PLAC8: variants seen among roughly 807,000 people sequenced by gnomAD.
The protein encoded by PLAC8 is placenta-specific gene 8 protein.
A neutral mutation model predicts 12.6 loss-of-function variants in PLAC8; 6 were observed. The observed-to-expected ratio is 0.48, with a 90% CI of 0.26 to 0.94. The LOEUF is 0.94. Ranked by LOEUF, PLAC8 falls within the 40% of genes least tolerant of loss-of-function variation. The probability of loss-of-function intolerance (pLI) is 0.14; values close to 1 mark genes in which losing one functional copy is unlikely to be tolerated. For synonymous variants in PLAC8, 54 were observed against 52.6 expected (o/e 1.03, Z -0.11); for missense variants, 122 against 152.7 (o/e 0.80, Z 1.06).
rs769747711 is a variant in PLAC8 at position 83,111,819 on chromosome 4, A to G, written c.-30+2847T>C. Among the ~76,000 whole-genome samples the G allele has an allele frequency of 1.1e-3, 165 of 152,298 alleles. 2 individuals carry two copies. The highest frequency in any genetic ancestry group is 2.6e-4 in the Non-Finnish European group (18 of 68,024). Reference sequence around the variant, plus strand: ...TTGTATTCAAATTGGCTAATGTTAGACTTCATAGCAGTTTGAGTCCTGAAC... The same window carrying G: ...TTGTATTCAAATTGGCTAATGTTAGGCTTCATAGCAGTTTGAGTCCTGAAC... On this transcript the variant is annotated intron_variant, in intron 1 of 4. Coordinates refer to ENST00000311507, the MANE Select transcript of PLAC8 (RefSeq NM_016619.3).
intron 1 of PLAC8, among the ~76,000 whole-genome samples, chr4:83,113,682 G>C (rs2126145118): frequency 6.6e-6 from 1 of 152,110 alleles, no homozygotes; most frequent in East Asian, 1.9e-4. Flanking sequence ...GTTGGCAGGG[G>C]CCACCTTGGA....
chr4:83,106,207 G>A (rs1732236111), intron 2 of PLAC8, among the ~76,000 whole-genome samples: 2 of 151,678 alleles, frequency 1.3e-5, no homozygotes, highest in South Asian at 4.2e-4. Flanking sequence ...CACCATCTTG[G>A]CCAGGCTGGT....
rs1731771674 is a variant in PLAC8 at position 83,090,141 on chromosome 4, T to G, written c.*840A>C. On this transcript the variant is annotated 3_prime_UTR_variant, in exon 5 of 5. Transcript: ENST00000311507. ...GCTAAGAAACCAAAGTATGGTGCAG[T>G]GGCTCACACCTGTAATTCCAGCACC... 6.6e-6 allele frequency: 1 copy of G among 151,992 alleles called. No individual in the cohort carries two copies. Among genetic ancestry groups the G allele is most frequent in the Non-Finnish European group, 1.5e-5 (1 of 68,014 alleles). The allele number at this position is 151,992 out of a possible 1,614,324, so 9.4% of individuals were successfully genotyped here. A position where few individuals can be genotyped will look rare whatever the true frequency, so the allele number is the denominator to read the frequency against.
At chr4:83,102,090 A>G (rs1258376513) in intron 3 of PLAC8, among the ~76,000 whole-genome samples, 1 of 152,092 alleles carries the variant, frequency 6.6e-6, no homozygotes, top group Non-Finnish European at 1.5e-5. Flanking sequence ...TCAAGGAGTA[A>G]TTTTGATTTT....
chr4:83,095,244 CA>C (rs1290164702), intron 3 of PLAC8, among the ~76,000 whole-genome samples: 3 of 152,100 alleles, frequency 2.0e-5, no homozygotes, highest in African/African-American at 7.2e-5. Flanking sequence ...GAGAGCTAAG[CA>C]CTAGGAATAA....
intron 2 of PLAC8, among the ~76,000 whole-genome samples, chr4:83,105,687 G>C (rs1732218856): frequency 1.3e-5 from 2 of 151,850 alleles, no homozygotes; most frequent in South Asian, 4.2e-4. Context: ...CATTTTAAGA[G>C]GGGAGAATAA....
At chr4:83,103,129 G>T (rs1158260084) in intron 3 of PLAC8, among the ~76,000 whole-genome samples, 2 of 150,438 alleles carry the variant, frequency 1.3e-5, no homozygotes, top group African/African-American at 4.9e-5. Flanking sequence ...GGGCGCGGTG[G>T]CTTCTGCCTG....
intron 2 of PLAC8, among the ~76,000 whole-genome samples, chr4:83,106,530 T>G (rs1732244457): frequency 6.6e-6 from 1 of 151,860 alleles, no homozygotes; most frequent in African/African-American, 2.4e-5. Context: ...GGTAGGAGAA[T>G]CACTTGAACC....
intron 4 of PLAC8, among the ~76,000 whole-genome samples, chr4:83,091,838 T>C (rs908382745): frequency 1.3e-5 from 2 of 152,180 alleles, no homozygotes; most frequent in Non-Finnish European, 2.9e-5. Flanking sequence ...CATACATACT[T>C]TTTTTCAATT....
intron 3 of PLAC8, among the ~76,000 whole-genome samples, chr4:83,103,933 G>A (rs1343584358): frequency 6.6e-6 from 1 of 152,168 alleles, no homozygotes; most frequent in Non-Finnish European, 1.5e-5. Context: ...CTCCCGAAGT[G>A]CTGGGATTAT....
intron 3 of PLAC8, among the ~76,000 whole-genome samples, chr4:83,102,161 T>A (rs1476109228): frequency 6.6e-6 from 1 of 152,134 alleles, no homozygotes; most frequent in East Asian, 1.9e-4. Flanking sequence ...TAGACAGTGA[T>A]ACCTCTGATG....
chr4:83,103,159 G>A (rs1408082138), intron 3 of PLAC8, among the ~76,000 whole-genome samples: 3 of 151,790 alleles, frequency 2.0e-5, no homozygotes, highest in Non-Finnish European at 2.9e-5. Flanking sequence ...CACTGTGGGA[G>A]GCCGAGGCGG....
At chr4:83,104,023 C>T (rs1732177257) in intron 3 of PLAC8, among the ~76,000 whole-genome samples, 2 of 152,200 alleles carry the variant, frequency 1.3e-5, no homozygotes, top group Admixed American at 1.3e-4. Context: ...CAGTATCCAG[C>T]ACCCTGATCA....
chr4:83,097,113 T>C lies in PLAC8; in HGVS notation c.244-2322A>G, dbSNP rs112404274. Among the ~76,000 whole-genome samples, 1,382 of 152,310 alleles carry C rather than the reference T, an allele frequency of 9.1e-3. 26 individuals are homozygous for C. Among genetic ancestry groups the C allele is most frequent in the African/African-American group, 0.031 (1,296 of 41,562 alleles). On this transcript the variant is annotated intron_variant, in intron 3 of 4. Coordinates refer to ENST00000311507, the MANE Select transcript of PLAC8 (RefSeq NM_016619.3). ...CTTATTTGGTCCTAGAAACGCATGC[T>C]GTCCCAGCTCTATTCCTCCAAGAGC...
chr4:83,093,669 C>T (rs771893408), intron 4 of PLAC8: 12 of 152,178 alleles, frequency 7.9e-5, no homozygotes, highest in Non-Finnish European at 1.6e-4. Context: ...ACATAAAATA[C>T]CGCTTTGTCT....
rs145682904 is a variant in PLAC8 at position 83,091,475 on chromosome 4, G to A, written c.*10-504C>T. ...TTGGGGAGAAGACCACAAAGGTAAA[G>A]TGCCATTCTCATCACATCAAATCAG... On this transcript the variant is annotated intron_variant, in intron 4 of 4. Transcript: ENST00000311507. 1.0e-3 allele frequency among the ~76,000 whole-genome samples: 155 copies of A among 152,312 alleles called. 1 individual carries two copies. Among genetic ancestry groups the A allele is most frequent in the East Asian group, 5.6e-3 (29 of 5,184 alleles).
At chr4:83,099,101 CTG>C (rs1463450334) in intron 3 of PLAC8, among the ~76,000 whole-genome samples, 3 of 152,068 alleles carry the variant, frequency 2.0e-5, no homozygotes, top group East Asian at 3.9e-4. Context: ...TGTTAAATGA[CTG>C]TGTGCCACAG....
At chr4:83,099,841 C>CAAA (rs57432177) in intron 3 of PLAC8, among the ~76,000 whole-genome samples, 5 of 132,608 alleles carry the variant, frequency 3.8e-5, no homozygotes, top group Non-Finnish European at 6.4e-5. Flanking sequence ...ACTAAAAATA[C>CAAA]AAAAAAAAAA....
chr4:83,096,638 T>C (rs1203062929), intron 3 of PLAC8, among the ~76,000 whole-genome samples: 1 of 152,228 alleles, frequency 6.6e-6, no homozygotes, highest in Non-Finnish European at 1.5e-5. Flanking sequence ...ATGACTCATA[T>C]AAATATAGAT....
Sources: allele counts gnomAD v4.1 joint callset (sites outside exome capture counted in the v4.1 genomes callset), GRCh38; gene constraint gnomAD v4.1.1; transcripts MANE v1.5; gene names NCBI Gene and HGNC (gene_info 2026-07-23, HGNC 2026-07-21).